Variants in MAP2K5 observed in about 807,000 individuals in gnomAD.
MAP2K5 encodes the protein dual specificity mitogen-activated protein kinase kinase 5.
MAP2K5 carries 49 observed loss-of-function variants against 83.1 expected under a neutral mutation model. That is an observed-to-expected ratio of 0.59 (90% CI 0.47 to 0.75). The LOEUF is 0.75. Among genes scored for constraint, MAP2K5 ranks in the 30% least tolerant of loss-of-function variants. The probability of loss-of-function intolerance (pLI) is 0.00; values close to 1 mark genes in which losing one functional copy is unlikely to be tolerated. For synonymous variants in MAP2K5, 202 were observed against 191.8 expected (o/e 1.05, Z -0.44); for missense variants, 457 against 557.5 (o/e 0.82, Z 1.82).
chr15:67,703,993 G>A (rs942346478), intron 16 of MAP2K5, among the ~76,000 whole-genome samples: 1 of 152,164 alleles, frequency 6.6e-6, no homozygotes, highest in African/African-American at 2.4e-5. Context: ...GAGGATGTAT[G>A]TATTTAGCAC....
Position 67,563,363 on chromosome 15 carries a change from C to A in MAP2K5, c.252+13C>A. On this transcript the variant is annotated intron_variant, in intron 3 of 21. Transcript: ENST00000178640. The surrounding 1 kb of genome is among the most constrained non-coding windows in gnomAD (Gnocchi z 4.5). ...AATGCTGTCATATGTAAGTATACGA[C>A]AAATGAAGACTATTTTTTAAAATCT... 6.2e-7 allele frequency: 1 copy of A among 1,601,578 alleles called. No homozygotes were observed. Among genetic ancestry groups the A allele is most frequent in the Non-Finnish European group, 8.5e-7 (1 of 1,175,298 alleles).
At chr15:67,773,570 C>T (rs1335066748) in intron 21 of MAP2K5, among the ~76,000 whole-genome samples, 1 of 152,162 alleles carries the variant, frequency 6.6e-6, no homozygotes, top group Non-Finnish European at 1.5e-5. Flanking sequence ...TGTATTCCAA[C>T]CTAATAAACA....
chr15:67,797,973 A>G (rs866767908), intron 21 of MAP2K5, among the ~76,000 whole-genome samples: 1 of 152,218 alleles, frequency 6.6e-6, no homozygotes, highest in Middle Eastern at 3.4e-3. Context: ...ATGAGCCACC[A>G]TGCCCGGCCT....
At chr15:67,605,004 G>C (rs554938336) in intron 8 of MAP2K5, among the ~76,000 whole-genome samples, 21 of 152,078 alleles carry the variant, frequency 1.4e-4, no homozygotes, top group African/African-American at 4.8e-4. Context: ...ACTAATAATA[G>C]AAAAATTATT....
intron 3 of MAP2K5, among the ~76,000 whole-genome samples, chr15:67,568,472 G>C (rs1456627028): frequency 6.6e-6 from 1 of 152,062 alleles, no homozygotes; most frequent in East Asian, 1.9e-4. Flanking sequence ...TACAAATAAG[G>C]ACATTGAGGC....
intron 16 of MAP2K5, among the ~76,000 whole-genome samples, chr15:67,725,916 G>T (rs1421739072): frequency 1.3e-5 from 2 of 152,198 alleles, no homozygotes; most frequent in East Asian, 1.9e-4. Flanking sequence ...GGGGACAGAG[G>T]ATGGGAGAAC....
At position 67,774,926 on chromosome 15, in the gene MAP2K5, A is replaced by T. The variant is rs1226898031; in HGVS notation, c.1242+2174A>T. Reference sequence around the variant, plus strand: ...TTCCAAATCAAAGAAAGAAAATTAGAGATGGGCAGCTGGAAATACTGGAAG... The same window carrying T: ...TTCCAAATCAAAGAAAGAAAATTAGTGATGGGCAGCTGGAAATACTGGAAG... On this transcript the variant is annotated intron_variant, in intron 21 of 21. Transcript: ENST00000178640. This position sits in a 1 kb window ranked among gnomAD's most constrained non-coding sequence, Gnocchi z 4.9. Among the ~76,000 whole-genome samples, 1 of 152,228 alleles carries T rather than the reference A, an allele frequency of 6.6e-6. No individual in the cohort carries two copies. The highest frequency in any genetic ancestry group is 1.5e-5 in the Non-Finnish European group (1 of 68,036).
intron 19 of MAP2K5, among the ~76,000 whole-genome samples, chr15:67,765,551 C>T (rs1298073133): frequency 9.9e-5 from 15 of 151,870 alleles, no homozygotes; most frequent in Admixed American, 9.8e-4. Flanking sequence ...ATTATAGTTT[C>T]AAAAAAAGAA....
In MAP2K5 at chr15:67,770,409, C is replaced by A. The variant is rs953679926; in HGVS notation, c.1196+746C>A. ...CAGGACTCATGTGGCCTTGGGAGGCCCAGGTATTCCTCTGCCCTCTCCCTC... is the reference window on the plus strand; with the variant it reads ...CAGGACTCATGTGGCCTTGGGAGGCACAGGTATTCCTCTGCCCTCTCCCTC... On this transcript the variant is annotated intron_variant, in intron 20 of 21. Transcript: ENST00000178640. The surrounding 1 kb of genome is among the most constrained non-coding windows in gnomAD (Gnocchi z 5.0). Among the ~76,000 whole-genome samples the A allele has an allele frequency of 3.2e-4, 48 of 152,282 alleles. No individual in the cohort carries two copies. Among genetic ancestry groups the A allele is most frequent in the African/African-American group, 1.1e-3 (47 of 41,558 alleles).
In MAP2K5 at chr15:67,586,853, C is replaced by T; in HGVS notation, c.371C>T (p.Thr124Ile). 1 of 1,614,126 alleles carries T rather than the reference C, an allele frequency of 6.2e-7. No homozygotes were observed. The highest frequency in any genetic ancestry group is 8.5e-7 in the Non-Finnish European group (1 of 1,179,980). The change falls in exon 6 of 22, where the codon ACT (threonine) becomes ATT (isoleucine). Residue 124 changes from threonine to isoleucine, a missense_variant. This residue lies in a region of MAP2K5 where 234 missense variants were observed against 243.6 expected (regional missense o/e 0.96). Coordinates refer to ENST00000178640, the MANE Select transcript of MAP2K5 (RefSeq NM_145160.3). ...ERNIHGLKVN[T>I]RAGPSQHSSP... ...TTCTTTCTTTACTTATAGGTGAATACTCGGGCCGGACCCTCTCAACACAGC... is the reference window on the plus strand; with the variant it reads ...TTCTTTCTTTACTTATAGGTGAATATTCGGGCCGGACCCTCTCAACACAGC...
At chr15:67,612,927 G>T (rs2085961922) in intron 8 of MAP2K5, among the ~76,000 whole-genome samples, 1 of 152,144 alleles carries the variant, frequency 6.6e-6, no homozygotes, top group Admixed American at 6.5e-5. Context: ...ATAAATTTCT[G>T]CTTGTTAGTT....
Position 67,702,797 on chromosome 15 carries a change from G to C in MAP2K5, c.973-540G>C, listed in dbSNP as rs1246853327. Among the ~76,000 whole-genome samples, 1 of 152,000 alleles carries C rather than the reference G, an allele frequency of 6.6e-6. No individual in the cohort carries two copies. The highest frequency in any genetic ancestry group is 1.5e-5 in the Non-Finnish European group (1 of 67,984). ...AAATGTTGAACAGCAGATGAATCTG[G>C]GTAAAGGAAATAGGAATGTGTATTG... On this transcript the variant is annotated intron_variant, in intron 15 of 21. Coordinates refer to ENST00000178640, the MANE Select transcript of MAP2K5 (RefSeq NM_145160.3). The surrounding 1 kb of genome is among the most constrained non-coding windows in gnomAD (Gnocchi z 4.6).
In MAP2K5 at chr15:67,630,806, T is replaced by C. The variant is rs1237714601; in HGVS notation, c.546-82T>C. The C allele has an allele frequency of 4.2e-6, 4 of 959,700 alleles. No homozygotes were observed. In the African/African-American group the frequency reaches 6.5e-5, roughly 16 times the overall value. The allele number at this position is 959,700 out of a possible 1,614,324, so 59.4% of individuals were successfully genotyped here. A position where few individuals can be genotyped will look rare whatever the true frequency, so the allele number is the denominator to read the frequency against. On this transcript the variant is annotated intron_variant, in intron 8 of 21. Coordinates refer to ENST00000178640, the MANE Select transcript of MAP2K5 (RefSeq NM_145160.3). ...CATGTATCCCACTGCTGCAGAAATG[T>C]TTGGATTTACATTTATGTCCTTAAC...
At position 67,659,789 on chromosome 15, in the gene MAP2K5, A is replaced by T. The variant is rs183332126; in HGVS notation, c.798+1175A>T. On this transcript the variant is annotated intron_variant, in intron 12 of 21. Coordinates refer to ENST00000178640, the MANE Select transcript of MAP2K5 (RefSeq NM_145160.3). ...TTCTATATATTCAGTTATCTATGGA[A>T]CTTGGCAAAAATAGAAATCTGCCAT... Among the ~76,000 whole-genome samples, 129 of 152,286 alleles carry T rather than the reference A, an allele frequency of 8.5e-4. 1 individual carries two copies. The highest frequency in any genetic ancestry group is 3.0e-3 in the African/African-American group (124 of 41,570).
chr15:67,734,476 G>A (rs371388405), intron 17 of MAP2K5, among the ~76,000 whole-genome samples: 1 of 152,226 alleles, frequency 6.6e-6, no homozygotes. Context: ...GAAAGCATAT[G>A]TTCTTAAAAC....
intron 20 of MAP2K5, among the ~76,000 whole-genome samples, chr15:67,771,228 A>C (rs993880119): frequency 8.0e-5 from 12 of 150,660 alleles, no homozygotes; most frequent in African/African-American, 2.4e-4. Flanking sequence ...CCTCATTTTG[A>C]AATGCAAAAA....
intron 13 of MAP2K5, among the ~76,000 whole-genome samples, chr15:67,673,509 G>A (rs891365793): frequency 1.3e-5 from 2 of 152,028 alleles, no homozygotes; most frequent in African/African-American, 4.8e-5. Context: ...GAGGTAAAAC[G>A]TTTGAATTCC....
chr15:67,682,384 C>T (rs1307389574), intron 13 of MAP2K5, among the ~76,000 whole-genome samples: 1 of 152,026 alleles, frequency 6.6e-6, no homozygotes, highest in East Asian at 2.0e-4. Context: ...CCACCACACC[C>T]AGCTAATTTT....
intron 13 of MAP2K5, among the ~76,000 whole-genome samples, chr15:67,666,055 C>T (rs1268039818): frequency 6.6e-6 from 1 of 152,152 alleles, no homozygotes; most frequent in Non-Finnish European, 1.5e-5. Flanking sequence ...GACATCTATC[C>T]ATTTGACAAA....
Sources: gnomAD v4.1 joint callset for allele counts (sites outside exome capture counted in the v4.1 genomes callset) on GRCh38, gnomAD v4.1.1 for gene constraint, gnomAD v4.1.1 regional missense constraint, Gnocchi (gnomAD v3.1) non-coding constraint, MANE v1.5 for transcripts, NCBI Gene and HGNC (gene_info 2026-07-23, HGNC 2026-07-21) for gene names.